The following MRTFA variants were observed in gnomAD, a reference collection of about 807,000 sequenced individuals.
MRTFA encodes the protein myocardin related transcription factor A, also known as myocardin-related transcription factor A.
MRTFA carries 20 observed loss-of-function variants against 83.5 expected under a neutral mutation model. That is an observed-to-expected ratio of 0.24 (90% CI 0.17 to 0.35). The LOEUF is 0.35. Ranked by LOEUF, MRTFA falls within the 10% of genes least tolerant of loss-of-function variation. MRTFA has a pLI of 1.00. For synonymous variants in MRTFA, 659 were observed against 541.2 expected (o/e 1.22, Z -3.02); for missense variants, 1,200 against 1,224.7 (o/e 0.98, Z 0.30).
In MRTFA at chr22:40,411,100, CCT is replaced by C; in HGVS notation, c.*288_*289del. 3.1e-6 allele frequency: 1 copy of C among 325,500 alleles called. No homozygotes were observed. The highest frequency in any genetic ancestry group is 5.6e-6 in the Non-Finnish European group (1 of 178,440). 20.2% of individuals were successfully genotyped at this position (325,500 alleles called of 1,614,324 possible). ...AATTGTAGCCAGACAGACAGTGCCC[CCT>C]GACCTCAAAAAAGGAGGTCAAGCTG... On this transcript the variant is annotated 3_prime_UTR_variant, in exon 15 of 15. Transcript: ENST00000355630.
chr22:40,606,602 C>T (rs1319185895), intron 1 of MRTFA, among the ~76,000 whole-genome samples: 1 of 152,114 alleles, frequency 6.6e-6, no homozygotes, highest in Admixed American at 6.6e-5. Flanking sequence ...AGAAATTCTT[C>T]CACATGACCA....
At chr22:40,630,278 T>C (rs1299196719) in intron 1 of MRTFA, among the ~76,000 whole-genome samples, 1 of 152,098 alleles carries the variant, frequency 6.6e-6, no homozygotes, top group Non-Finnish European at 1.5e-5. Flanking sequence ...ATCACACCAC[T>C]GTGCTCTACC....
chr22:40,544,416 G>T (rs943397026), intron 3 of MRTFA, among the ~76,000 whole-genome samples: 1 of 152,010 alleles, frequency 6.6e-6, no homozygotes, highest in African/African-American at 2.4e-5. Context: ...TTTGAGAGAG[G>T]GGGTCTTGCT....
chr22:40,509,982 T>TAAAAAAAAAAAAAAAAA, intron 3 of MRTFA, among the ~76,000 whole-genome samples: 1 of 108,110 alleles, frequency 9.2e-6, no homozygotes, highest in Non-Finnish European at 1.8e-5. Flanking sequence ...CCAAGTACTT[T>TAAAAAAAAAAAAAAAAA]AAAAAAAAAA....
intron 3 of MRTFA, among the ~76,000 whole-genome samples, chr22:40,505,363 G>T (rs757478945): frequency 6.6e-6 from 1 of 152,284 alleles, no homozygotes; most frequent in South Asian, 2.1e-4. Context: ...GTGTTTTGAG[G>T]TCAAGGGTTT....
intron 1 of MRTFA, among the ~76,000 whole-genome samples, chr22:40,625,093 C>CT: frequency 6.6e-6 from 1 of 152,154 alleles, no homozygotes; most frequent in South Asian, 2.1e-4. Context: ...GTTCTTGGTT[C>CT]CCTGTTCCCA....
intron 3 of MRTFA, among the ~76,000 whole-genome samples, chr22:40,542,898 G>C (rs557833252): frequency 1.3e-5 from 2 of 152,314 alleles, no homozygotes; most frequent in East Asian, 3.9e-4. Context: ...TACTAACAGT[G>C]ATTTTCTCTG....
At chr22:40,437,193 A>G (rs367800696) in intron 4 of MRTFA, among the ~76,000 whole-genome samples, 1 of 152,222 alleles carries the variant, frequency 6.6e-6, no homozygotes, top group East Asian at 1.9e-4. Flanking sequence ...CACTTCTTAC[A>G]TGGGCAGGTC....
At chr22:40,565,457 A>G (rs1203117375) in intron 2 of MRTFA, among the ~76,000 whole-genome samples, 1 of 152,196 alleles carries the variant, frequency 6.6e-6, no homozygotes, top group African/African-American at 2.4e-5. Context: ...TGAGGTGAGA[A>G]GATCACTTGG....
intron 2 of MRTFA, among the ~76,000 whole-genome samples, chr22:40,579,975 T>C (rs376184919): frequency 2.0e-5 from 3 of 152,096 alleles, no homozygotes; most frequent in East Asian, 3.8e-4. Flanking sequence ...CTGTGTAACA[T>C]TACTGTGTTA....
At chr22:40,514,912 T>C (rs1010321944) in intron 3 of MRTFA, among the ~76,000 whole-genome samples, 14 of 144,532 alleles carry the variant, frequency 9.7e-5, no homozygotes, top group African/African-American at 3.6e-4. Flanking sequence ...ATTTCTTCCT[T>C]TTTTTTTTTT....
intron 2 of MRTFA, chr22:40,587,025 T>C (rs1372478952): frequency 2.1e-6 from 1 of 477,852 alleles, no homozygotes; most frequent in Non-Finnish European, 4.3e-6. Context: ...GGTCTTTGCA[T>C]ATGGGTTTAG....
Position 40,463,512 on chromosome 22 carries a change from G to A in MRTFA, c.242-226C>T, listed in dbSNP as rs1475495518. Reference sequence around the variant, plus strand: ...GAAGTTGCGAAGGGTCTTGCAGGGCGATAACAATCCACAAAGCATCAGAGT... The same window carrying A: ...GAAGTTGCGAAGGGTCTTGCAGGGCAATAACAATCCACAAAGCATCAGAGT... On this transcript the variant is annotated intron_variant, in intron 3 of 14. Coordinates refer to ENST00000355630, the MANE Select transcript of MRTFA (RefSeq NM_020831.6). The A allele has an allele frequency of 1.3e-5, 6 of 472,056 alleles. No individual in the cohort carries two copies. In the East Asian group the frequency reaches 1.3e-4, roughly 11 times the overall value. The allele number at this position is 472,056 out of a possible 1,614,324, so 29.2% of individuals were successfully genotyped here.
intron 1 of MRTFA, among the ~76,000 whole-genome samples, chr22:40,627,305 G>C (rs1392093108): frequency 6.6e-6 from 1 of 152,134 alleles, no homozygotes; most frequent in South Asian, 2.1e-4. Flanking sequence ...GTAGACACAC[G>C]GTCTTGTCAT....
chr22:40,598,763 A>AGGGCGAATTACCTGAGGTCAGGAGTTC (rs1361868449), intron 1 of MRTFA, among the ~76,000 whole-genome samples: 5 of 151,130 alleles, frequency 3.3e-5, no homozygotes, highest in Non-Finnish European at 7.4e-5. Context: ...GAAGCTGAGG[A>AGGGCGAATTACCTGAGGTCAGGAGTTC]GGGCGAATTA....
At chr22:40,543,462 C>G (rs976640881) in intron 3 of MRTFA, among the ~76,000 whole-genome samples, 4 of 152,154 alleles carry the variant, frequency 2.6e-5, no homozygotes, top group African/African-American at 9.7e-5. Flanking sequence ...GCCCTTTTCA[C>G]TCCCATTTTC....
intron 3 of MRTFA, among the ~76,000 whole-genome samples, chr22:40,482,898 A>C (rs909015121): frequency 2.6e-5 from 4 of 152,054 alleles, no homozygotes; most frequent in Non-Finnish European, 5.9e-5. Flanking sequence ...GTGGGGGTCA[A>C]GGTGGGAGGA....
chr22:40,413,307 C>G (rs1433689350), intron 14 of MRTFA, among the ~76,000 whole-genome samples: 1 of 150,424 alleles, frequency 6.6e-6, no homozygotes, highest in African/African-American at 2.4e-5. Context: ...AAAACAACAA[C>G]AAAAAAAGGT....
At chr22:40,572,839 A>T (rs2055815120) in intron 2 of MRTFA, among the ~76,000 whole-genome samples, 1 of 152,200 alleles carries the variant, frequency 6.6e-6, no homozygotes, top group Non-Finnish European at 1.5e-5. Flanking sequence ...TAGCACAGGA[A>T]AGACCCGCCA....
Sources: gnomAD v4.1 joint callset for allele counts (sites outside exome capture counted in the v4.1 genomes callset) on GRCh38, gnomAD v4.1.1 for gene constraint, MANE v1.5 for transcripts, NCBI Gene and HGNC (gene_info 2026-07-23, HGNC 2026-07-21) for gene names.